LMAN2: variants seen among roughly 807,000 people sequenced by gnomAD.
LMAN2 encodes the protein lectin, mannose binding 2, also known as vesicular integral-membrane protein VIP36.
LMAN2 carries 22 observed loss-of-function variants against 39.3 expected under a neutral mutation model. The ratio of observed to expected loss-of-function variants is 0.56; its 90% CI spans 0.40 to 0.80. LMAN2 has a LOEUF of 0.80. LMAN2 is among the 30% of genes least tolerant of loss of function. LMAN2 has a pLI of 0.00. For synonymous variants in LMAN2, 207 were observed against 207.8 expected (o/e 1.00, Z 0.03); for missense variants, 494 against 505.4 (o/e 0.98, Z 0.22).
Position 177,337,057 on chromosome 5 carries a change from G to C in LMAN2, c.790+79C>G. The C allele has an allele frequency of 9.6e-7, 1 of 1,043,440 alleles. No homozygotes were observed. Among genetic ancestry groups the C allele is most frequent in the Non-Finnish European group, 1.5e-6 (1 of 685,356 alleles). The allele number at this position is 1,043,440 out of a possible 1,614,324, so 64.6% of individuals were successfully genotyped here. ...TGAGCTCAGAAACCACATGAAGGCAGGCAATCAACTGCATGGAAAGCTCCC... is the reference window on the plus strand; with the variant it reads ...TGAGCTCAGAAACCACATGAAGGCACGCAATCAACTGCATGGAAAGCTCCC... On this transcript the variant is annotated intron_variant, in intron 6 of 7. Transcript: ENST00000303127. This position sits in a 1 kb window ranked among gnomAD's most constrained non-coding sequence, Gnocchi z 8.2.
At chr5:177,347,666 T>G (rs1316603709) in intron 2 of LMAN2, among the ~76,000 whole-genome samples, 1 of 152,198 alleles carries the variant, frequency 6.6e-6, no homozygotes, top group Non-Finnish European at 1.5e-5. Flanking sequence ...TATTTTACAG[T>G]TCAGCAGTTT....
chr5:177,348,321 A>T (rs1287942104), intron 2 of LMAN2, among the ~76,000 whole-genome samples: 1 of 152,188 alleles, frequency 6.6e-6, no homozygotes, highest in Non-Finnish European at 1.5e-5. Flanking sequence ...AATGAATAAC[A>T]TTTTCAAGCA....
intron 2 of LMAN2, among the ~76,000 whole-genome samples, chr5:177,350,507 C>T (rs1581607736): frequency 6.6e-6 from 1 of 152,160 alleles, no homozygotes; most frequent in African/African-American, 2.4e-5. Flanking sequence ...GCCCACAGGT[C>T]CAGTCCCTCC....
intron 2 of LMAN2, among the ~76,000 whole-genome samples, chr5:177,345,566 G>A (rs1004537491): frequency 6.6e-6 from 1 of 151,816 alleles, no homozygotes; most frequent in Non-Finnish European, 1.5e-5. Flanking sequence ...AAAAGGACAG[G>A]AAAAATGTAT....
Position 177,332,164 on chromosome 5 carries a change from G to A in LMAN2, c.993C>T (p.Leu331=), listed in dbSNP as rs781677039. 55 of 1,613,606 alleles carry A rather than the reference G, an allele frequency of 3.4e-5. No individual in the cohort carries two copies. Among genetic ancestry groups the A allele is most frequent in the Non-Finnish European group, 4.5e-5 (53 of 1,179,988 alleles). The part of the protein sequence containing the change: ...WRVFLLLLCA[L]LGIVVCAVVG... ...CCACGGCGCAGACAACGATGCCCAG[G>A]AGAGCGCACAGCAGCAGCAGGAACA... The change falls in exon 8 of 8, where the codon CTC becomes CTT. Residue 331 remains leucine (L), a synonymous_variant. Coordinates refer to ENST00000303127, the MANE Select transcript of LMAN2 (RefSeq NM_006816.3). The surrounding 1 kb of genome is among the most constrained non-coding windows in gnomAD (Gnocchi z 6.3).
In LMAN2 at chr5:177,351,445, G is replaced by A. The variant is rs1313688291; in HGVS notation, c.196+7C>T. 1.1e-5 allele frequency: 17 copies of A among 1,611,598 alleles called. No individual in the cohort carries two copies. Among genetic ancestry groups the A allele is most frequent in the Non-Finnish European group, 1.4e-5 (17 of 1,178,562 alleles). On this transcript the variant is annotated splice_region_variant and intron_variant, in intron 1 of 7. Coordinates refer to ENST00000303127, the MANE Select transcript of LMAN2 (RefSeq NM_006816.3). Reference sequence around the variant, plus strand: ...CTCTTCACTCATTCCCGCCCCAAGGGCTTCACCTTGGTAGGGCTTAATGAG... The same window carrying A: ...CTCTTCACTCATTCCCGCCCCAAGGACTTCACCTTGGTAGGGCTTAATGAG...
intron 2 of LMAN2, among the ~76,000 whole-genome samples, chr5:177,349,936 A>C (rs1761696608): frequency 6.6e-6 from 1 of 152,212 alleles, no homozygotes; most frequent in Admixed American, 6.5e-5. Context: ...AGACAGAGGG[A>C]ACAACAGGTG....
At chr5:177,333,784 G>GT (rs1418791158) in intron 7 of LMAN2, among the ~76,000 whole-genome samples, 1 of 152,252 alleles carries the variant, frequency 6.6e-6, no homozygotes, top group East Asian at 1.9e-4. Context: ...GGGTTTTGTA[G>GT]AAACCCAATT....
chr5:177,340,871 C>G (rs1761541186), intron 2 of LMAN2, among the ~76,000 whole-genome samples: 2 of 151,562 alleles, frequency 1.3e-5, no homozygotes, highest in Non-Finnish European at 2.9e-5. Context: ...TCTCCTGCCT[C>G]AGCCTCCCCA....
At chr5:177,334,446 C>T (rs1313966372) in intron 6 of LMAN2, 43 bp from the exon 7 acceptor site, 11 of 1,586,910 alleles carry the variant, frequency 6.9e-6, no homozygotes, top group South Asian at 2.3e-5. Context: ...ACAGGCCAGC[C>T]GCAGGGCACG....
At chr5:177,340,308 C>A (rs1425604016) in intron 2 of LMAN2, among the ~76,000 whole-genome samples, 1 of 152,104 alleles carries the variant, frequency 6.6e-6, no homozygotes, top group African/African-American at 2.4e-5. Context: ...AGAACGTGTG[C>A]CACAAAAGCA....
chr5:177,343,213 C>CCACT (rs1284970186), intron 2 of LMAN2, among the ~76,000 whole-genome samples: 2 of 152,148 alleles, frequency 1.3e-5, no homozygotes. Flanking sequence ...CGAGATCGCG[C>CCACT]CACTGCACTC....
At chr5:177,348,883 CA>C (rs11314255) in intron 2 of LMAN2, among the ~76,000 whole-genome samples, 35,085 of 83,398 alleles carry the variant, frequency 0.42, 4,158 homozygotes, top group African/African-American at 0.5. Context: ...GACTCCGTCT[CA>C]AAAAAAAAAA....
chr5:177,350,295 C>T (rs1761702365), intron 2 of LMAN2, among the ~76,000 whole-genome samples: 1 of 152,202 alleles, frequency 6.6e-6, no homozygotes, highest in African/African-American at 2.4e-5. Context: ...ACAGCTTAAG[C>T]CATGGGAAGG....
intron 2 of LMAN2, among the ~76,000 whole-genome samples, chr5:177,348,547 A>G (rs550283978): frequency 6.6e-6 from 1 of 152,070 alleles, no homozygotes; most frequent in East Asian, 1.9e-4. Flanking sequence ...AATTAGCTGG[A>G]CATGGCAGTG....
Position 177,340,182 on chromosome 5 carries a change from C to CA in LMAN2, c.316-1578dup, listed in dbSNP as rs559366953. ...GACTAAAAAGAAAACCATATTTAGG[C>CA]ACAAAAAAAGAAGGGAGGGATAGAG... On this transcript the variant is annotated intron_variant, in intron 2 of 7. Transcript: ENST00000303127. Among the ~76,000 whole-genome samples, 477 of 152,042 alleles carry CA rather than the reference C, an allele frequency of 3.1e-3. 1 individual carries two copies. Among genetic ancestry groups the CA allele is most frequent in the African/African-American group, 0.011 (446 of 41,480 alleles).
chr5:177,351,270 G>C lies in LMAN2; in HGVS notation c.218C>G (p.Pro73Arg), dbSNP rs141658018. ...AGTGCTGCCCTGGAAGTCCCAGAGG[G>C]GCATAGAGCTGGAACCGACCCCTGT... is the stretch of plus-strand genomic sequence containing the variant. Reference protein sequence around the residue: ...PYQGVGSSSMPLWDFQGSTML... With the variant: ...PYQGVGSSSMRLWDFQGSTML... The change falls in exon 2 of 8, where the codon CCC (proline) becomes CGC (arginine). Residue 73 changes from proline (P) to arginine (R), a missense_variant. Pro to Arg is a moderately radical substitution (Grantham distance 103, BLOSUM62 -2). Transcript: ENST00000303127. The C allele has an allele frequency of 6.2e-7, 1 of 1,613,992 alleles. No homozygotes were observed. The highest frequency in any genetic ancestry group is 8.5e-7 in the Non-Finnish European group (1 of 1,180,044).
intron 2 of LMAN2, among the ~76,000 whole-genome samples, chr5:177,344,583 G>A (rs1761607180): frequency 6.6e-6 from 1 of 151,162 alleles, no homozygotes; most frequent in African/African-American, 2.4e-5. Flanking sequence ...CCCAGCCTGT[G>A]TTACATACAT....
At chr5:177,340,420 T>C (rs995492811) in intron 2 of LMAN2, among the ~76,000 whole-genome samples, 4 of 152,066 alleles carry the variant, frequency 2.6e-5, no homozygotes, top group Admixed American at 2.0e-4. Context: ...CAGTACCCAA[T>C]AGGTAGTTTT....
Sources: gnomAD v4.1 joint callset for allele counts (sites outside exome capture counted in the v4.1 genomes callset) on GRCh38, gnomAD v4.1.1 for gene constraint, Gnocchi (gnomAD v3.1) non-coding constraint, MANE v1.5 for transcripts, NCBI Gene and HGNC (gene_info 2026-07-23, HGNC 2026-07-21) for gene names.